SLC37A2: variants seen among roughly 807,000 people sequenced by gnomAD.
SLC37A2 encodes the protein solute carrier family 37 member 2, also known as glucose-6-phosphate exchanger SLC37A2.
A neutral mutation model predicts 70.7 loss-of-function variants in SLC37A2; 59 were observed. The ratio of observed to expected loss-of-function variants is 0.83; its 90% CI spans 0.68 to 1.04. SLC37A2 has a LOEUF of 1.04. SLC37A2 is among the 50% of genes least tolerant of loss of function. The probability of loss-of-function intolerance (pLI) is 0.00; values close to 1 mark genes in which losing one functional copy is unlikely to be tolerated. For synonymous variants in SLC37A2, 257 were observed against 262.1 expected (o/e 0.98, Z 0.19); for missense variants, 580 against 658.1 (o/e 0.88, Z 1.30).
chr11:125,072,515 C>T (rs569951157), intron 1 of SLC37A2, among the ~76,000 whole-genome samples: 8 of 152,354 alleles, frequency 5.3e-5, no homozygotes, highest in African/African-American at 1.9e-4. Flanking sequence ...TGGCCCAGCC[C>T]CTGGGCTGCC....
At chr11:125,084,728 T>C (rs1185929991) in intron 12 of SLC37A2, 97 bp from the exon 13 acceptor site, 2 of 1,278,394 alleles carry the variant, frequency 1.6e-6, no homozygotes, top group Non-Finnish European at 2.2e-6. Flanking sequence ...GGATGCCCTC[T>C]GGGGTTTCAG....
intron 1 of SLC37A2, among the ~76,000 whole-genome samples, chr11:125,073,648 A>C (rs79944049): frequency 6.6e-6 from 1 of 152,248 alleles, no homozygotes; most frequent in Non-Finnish European, 1.5e-5. Context: ...CTGCTTTTCC[A>C]ATGAGCAAAA....
In SLC37A2 at chr11:125,077,309, G is replaced by C; in HGVS notation, c.221G>C (p.Ser74Thr). 6.2e-7 allele frequency: 1 copy of C among 1,606,242 alleles called. No individual in the cohort carries two copies. Among genetic ancestry groups the C allele is most frequent in the Non-Finnish European group, 8.5e-7 (1 of 1,176,178 alleles). Residue 74 changes from serine to threonine, a missense_variant, in exon 3 of 18, where the codon AGC becomes ACC. Physicochemically the swap from Ser to Thr is moderately conservative, Grantham distance 58. Coordinates refer to ENST00000403796, the MANE Select transcript of SLC37A2 (RefSeq NM_001145290.2). Reference protein sequence around the residue: ...THSLNDTMWCSWAPFDKDNYK... With the variant: ...THSLNDTMWCTWAPFDKDNYK... Reference sequence around the variant, plus strand: ...AGTCTCAATGACACCATGTGGTGCAGCTGGGCCCCATTTGGTAAGAACAGG... The same window carrying C: ...AGTCTCAATGACACCATGTGGTGCACCTGGGCCCCATTTGGTAAGAACAGG...
At chr11:125,078,994 A>T in intron 4 of SLC37A2, 118 bp from the exon 5 acceptor site, 1 of 1,301,730 alleles carries the variant, frequency 7.7e-7, no homozygotes, top group African/African-American at 1.5e-5. Context: ...GCAACACAGA[A>T]GTCATTGGTG....
chr11:125,079,882 T>G, intron 6 of SLC37A2, 122 bp downstream of exon 6: 1 of 750,096 alleles, frequency 1.3e-6, no homozygotes, highest in South Asian at 1.6e-5. Flanking sequence ...CACGTTGCTG[T>G]TCACGTGCTT....
chr11:125,078,528 A>G (rs1949113686), intron 4 of SLC37A2, among the ~76,000 whole-genome samples: 1 of 151,848 alleles, frequency 6.6e-6, no homozygotes, highest in Non-Finnish European at 1.5e-5. Flanking sequence ...AGTCTTGGAG[A>G]CTGAATGTGA....
Position 125,081,411 on chromosome 11 carries a change from T to C in SLC37A2, c.695-10T>C. ...TGGGAAACTTCTTAGAAAGCGATTT[T>C]TTTTTCTAGACCCAGAAGATGTGGA... On this transcript the variant is annotated splice_polypyrimidine_tract_variant and intron_variant, in intron 7 of 17. Coordinates refer to ENST00000403796, the MANE Select transcript of SLC37A2 (RefSeq NM_001145290.2). 6.2e-7 allele frequency: 1 copy of C among 1,604,232 alleles called. No homozygotes were observed. The highest frequency in any genetic ancestry group is 8.5e-7 in the Non-Finnish European group (1 of 1,175,022).
chr11:125,078,169 C>A (rs183733970), intron 4 of SLC37A2, among the ~76,000 whole-genome samples: 2 of 152,130 alleles, frequency 1.3e-5, no homozygotes, highest in African/African-American at 4.8e-5. Flanking sequence ...AGGAATAGCA[C>A]GAGCAAGTAG....
At position 125,085,444 on chromosome 11, in the gene SLC37A2, C is replaced by T. The variant is rs754957582; in HGVS notation, c.1298C>T (p.Thr433Met). Reference sequence around the variant, plus strand: ...AACGCCAAAGCCCTGTCCACGGTCACGGCCATCATTGACGGCACCGGCTCC... The same window carrying T: ...AACGCCAAAGCCCTGTCCACGGTCATGGCCATCATTGACGGCACCGGCTCC... ...KGNAKALSTV[T>M]AIIDGTGSIG... is the part of the protein sequence containing the mutation. The change falls in exon 15 of 18, where the codon ACG becomes ATG. Residue 433 changes from threonine to methionine, a missense_variant. Physicochemically the swap from Thr to Met is moderately conservative, Grantham distance 81 (BLOSUM62 -1). Transcript: ENST00000403796. 1.3e-5 allele frequency: 21 copies of T among 1,614,046 alleles called. No homozygotes were observed. Among genetic ancestry groups the T allele is most frequent in the Non-Finnish European group, 1.7e-5 (20 of 1,180,002 alleles).
intron 17 of SLC37A2, chr11:125,087,202 C>T (rs551970756): frequency 6.6e-6 from 1 of 152,456 alleles, no homozygotes; most frequent in African/African-American, 2.4e-5. Flanking sequence ...GACGTGTGAG[C>T]TTGCCTCGCA....
At chr11:125,069,832 C>T (rs1949013086) in intron 1 of SLC37A2, among the ~76,000 whole-genome samples, 1 of 152,244 alleles carries the variant, frequency 6.6e-6, no homozygotes, top group Admixed American at 6.5e-5. Context: ...ATGTTGCTCT[C>T]CTCCTCCTGT....
At chr11:125,081,388 G>C (rs945191568) in intron 7 of SLC37A2, 33 bp from the exon 8 acceptor site, 1 of 1,595,636 alleles carries the variant, frequency 6.3e-7, no homozygotes, top group African/African-American at 1.3e-5. Flanking sequence ...GCGGGGGTTG[G>C]GAAACTTCTT....
At chr11:125,065,444 G>A (rs895984723) in intron 1 of SLC37A2, among the ~76,000 whole-genome samples, 2 of 152,118 alleles carry the variant, frequency 1.3e-5, no homozygotes, top group African/African-American at 4.8e-5. Flanking sequence ...TTAGTAAGCC[G>A]AGTCAAGAAA....
chr11:125,082,170 A>G, intron 9 of SLC37A2, 74 bp from the exon 10 acceptor site: 2 of 1,432,660 alleles, frequency 1.4e-6, no homozygotes, highest in Non-Finnish European at 2.0e-6. Flanking sequence ...GGTGGTGCTG[A>G]GCACCCCTTG....
Position 125,077,478 on chromosome 11 carries a change from G to A in SLC37A2, c.264G>A (p.Gly88=), listed in dbSNP as rs753314430. Residue 88 remains glycine (G), a synonymous_variant, in exon 4 of 18, where the codon GGG becomes GGA. Coordinates refer to ENST00000403796, the MANE Select transcript of SLC37A2 (RefSeq NM_001145290.2). ...FDKDNYKELL[G]GVDNAFLIAY... ...AGGACAACTATAAGGAGTTACTAGG[G>A]GGCGTGGACAACGCCTTCCTCATCG... 31 of 1,613,772 alleles carry A rather than the reference G, an allele frequency of 1.9e-5. No individual in the cohort carries two copies. The highest frequency in any genetic ancestry group is 1.9e-5 in the Non-Finnish European group (22 of 1,179,918).
chr11:125,086,668 T>C (rs949962586), intron 17 of SLC37A2: 1 of 289,736 alleles, frequency 3.5e-6, no homozygotes, highest in African/African-American at 2.2e-5. Context: ...GAATCAAGCA[T>C]GGGTGGCTGG....
intron 10 of SLC37A2, 60 bp downstream of exon 10, chr11:125,082,394 G>C: frequency 6.8e-7 from 1 of 1,465,530 alleles, no homozygotes. Context: ...GCCTCTGGTG[G>C]GAGAGGAAGC....
Position 125,073,769 on chromosome 11 carries a change from A to G in SLC37A2, c.60-2988A>G, listed in dbSNP as rs577554621. On this transcript the variant is annotated intron_variant, in intron 1 of 17. Coordinates refer to ENST00000403796, the MANE Select transcript of SLC37A2 (RefSeq NM_001145290.2). ...ACCTGGGTTCCCCCGTGATGCTGCTATGTCCCTGGGAGTGGCTGGCAGGAT... is the reference window on the plus strand; with the variant it reads ...ACCTGGGTTCCCCCGTGATGCTGCTGTGTCCCTGGGAGTGGCTGGCAGGAT... Among the ~76,000 whole-genome samples the G allele has an allele frequency of 1.8e-3, 267 of 152,318 alleles. 1 individual carries two copies. The highest frequency in any genetic ancestry group is 0.017 in the Middle Eastern group (5 of 294).
In SLC37A2 at chr11:125,085,493, T is replaced by C. The variant is rs1301581053; in HGVS notation, c.1327+20T>C. ...CCATAGGTCTGTGACTCTAGCTCTG[T>C]TGTGGGCCGGCCCCTAGGCATAGTG... On this transcript the variant is annotated intron_variant, in intron 15 of 17. Transcript: ENST00000403796. 2 of 1,613,840 alleles carry C rather than the reference T, an allele frequency of 1.2e-6. No homozygotes were observed. Among genetic ancestry groups the C allele is most frequent in the Non-Finnish European group, 8.5e-7 (1 of 1,179,922 alleles).
Sources: gnomAD v4.1 joint callset for allele counts (sites outside exome capture counted in the v4.1 genomes callset) on GRCh38, gnomAD v4.1.1 for gene constraint, MANE v1.5 for transcripts, NCBI Gene and HGNC (gene_info 2026-07-23, HGNC 2026-07-21) for gene names.